The following TAFA1 variants were observed in gnomAD, a reference collection of about 807,000 sequenced individuals.
The protein encoded by TAFA1 is chemokine-like protein TAFA-1.
TAFA1 carries 4 observed loss-of-function variants against 18.5 expected under a neutral mutation model. The ratio of observed to expected loss-of-function variants is 0.22; its 90% CI spans 0.11 to 0.49. The LOEUF is 0.49. Among genes scored for constraint, TAFA1 ranks in the 20% least tolerant of loss-of-function variants. TAFA1 has a pLI of 0.98. For synonymous variants in TAFA1, 56 were observed against 55.2 expected, an observed-to-expected ratio of 1.01 and a Z score of -0.06; for missense variants, 147 against 169.0, an observed-to-expected ratio of 0.87 and a Z score of 0.72.
chr3:68,429,394 A>G (rs1343165403), intron 3 of TAFA1, among the ~76,000 whole-genome samples: 1 of 151,934 alleles, frequency 6.6e-6, no homozygotes, highest in Non-Finnish European at 1.5e-5. Context: ...CAAGGGAAGA[A>G]CCTGATGCCT....
At chr3:67,991,588 C>A in the TAFA1 span, among the ~76,000 whole-genome samples, 1 of 152,196 alleles carries the variant, frequency 6.6e-6, no homozygotes, top group Non-Finnish European at 1.5e-5. Context: ...TCCTCCTGGC[C>A]CTGGACATCA....
At chr3:68,363,221 A>G (rs1225240809) in intron 2 of TAFA1, among the ~76,000 whole-genome samples, 1 of 152,066 alleles carries the variant, frequency 6.6e-6, no homozygotes, top group African/African-American at 2.4e-5. Context: ...TAATTTGGGA[A>G]GAGTGAGAAG....
At chr3:68,125,015 A>T (rs1375214092) in intron 2 of TAFA1, among the ~76,000 whole-genome samples, 3 of 152,234 alleles carry the variant, frequency 2.0e-5, no homozygotes, top group Non-Finnish European at 4.4e-5. Context: ...CTCTTGTAAT[A>T]CCTGAATGTG....
intron 2 of TAFA1, among the ~76,000 whole-genome samples, chr3:68,028,958 G>T (rs1042041902): frequency 5.3e-5 from 8 of 151,736 alleles, no homozygotes; most frequent in Admixed American, 1.3e-4. Flanking sequence ...TTTGCCATTT[G>T]CCCAGGCTGT....
intron 2 of TAFA1, among the ~76,000 whole-genome samples, chr3:68,014,722 C>T (rs1575574283): frequency 6.6e-6 from 1 of 152,298 alleles, no homozygotes; most frequent in East Asian, 1.9e-4. Flanking sequence ...AAAAAGCATT[C>T]TGCTAAAACT....
At chr3:68,005,084 A>T (rs1182636917) in intron 1 of TAFA1, among the ~76,000 whole-genome samples, 2 of 152,128 alleles carry the variant, frequency 1.3e-5, no homozygotes, top group African/African-American at 4.8e-5. Context: ...GCAATTCACA[A>T]GCAGTAAATA....
chr3:68,486,677 C>A (rs1229541402), intron 3 of TAFA1, among the ~76,000 whole-genome samples: 2 of 152,182 alleles, frequency 1.3e-5, no homozygotes, highest in Non-Finnish European at 2.9e-5. Flanking sequence ...TTCGTAATGA[C>A]GACCTCTGGG....
At chr3:68,221,820 T>C (rs761902200) in intron 2 of TAFA1, among the ~76,000 whole-genome samples, 5 of 152,222 alleles carry the variant, frequency 3.3e-5, no homozygotes, top group Admixed American at 1.3e-4. Context: ...TTGATTCTTT[T>C]AATCCCTTCA....
rs189406264 is a variant in TAFA1 at position 68,047,731 on chromosome 3, C to T, written c.118+40987C>T. ...ACAACAACCTGACCTGAAGAAGACA[C>T]CTGCCAATATAATCACCCAATAGAC... is the stretch of plus-strand genomic sequence containing the variant. On this transcript the variant is annotated intron_variant, in intron 2 of 4. Transcript: ENST00000478136. 3.3e-5 allele frequency among the ~76,000 whole-genome samples: 5 copies of T among 152,192 alleles called. No homozygotes were observed. The East Asian group carries it at 7.7e-4, about 24-fold the overall frequency.
intron 2 of TAFA1, among the ~76,000 whole-genome samples, chr3:68,085,093 G>C (rs374745763): frequency 2.0e-5 from 3 of 152,072 alleles, no homozygotes; most frequent in African/African-American, 7.2e-5. Context: ...ATGATAAAAT[G>C]GACTCACAAT....
chr3:68,298,987 A>G (rs1345645443), intron 2 of TAFA1, among the ~76,000 whole-genome samples: 2 of 152,206 alleles, frequency 1.3e-5, no homozygotes, highest in African/African-American at 4.8e-5. Context: ...AACAGTTTGG[A>G]GGGCTCAAAA....
At chr3:68,391,171 C>T (rs2070233502) in intron 2 of TAFA1, among the ~76,000 whole-genome samples, 1 of 152,090 alleles carries the variant, frequency 6.6e-6, no homozygotes, top group Non-Finnish European at 1.5e-5. Flanking sequence ...ACATAAATGA[C>T]CTGATGGAGC....
intron 2 of TAFA1, among the ~76,000 whole-genome samples, chr3:68,090,522 C>T (rs988130216): frequency 4.1e-4 from 63 of 152,148 alleles, no homozygotes; most frequent in African/African-American, 1.5e-3. Flanking sequence ...ATGTTGTTCC[C>T]CTCCACCTGT....
At chr3:68,312,173 C>T (rs2068532635) in intron 2 of TAFA1, among the ~76,000 whole-genome samples, 1 of 152,176 alleles carries the variant, frequency 6.6e-6, no homozygotes, top group Non-Finnish European at 1.5e-5. Flanking sequence ...ATCCTGGGCC[C>T]AGCCCACCAG....
chr3:68,043,800 A>G (rs1235025529), intron 2 of TAFA1, among the ~76,000 whole-genome samples: 1 of 152,050 alleles, frequency 6.6e-6, no homozygotes, highest in African/African-American at 2.4e-5. Flanking sequence ...TATTTCTAGG[A>G]ATGCATGTAG....
chr3:68,538,651 A>T, intron 3 of TAFA1, 105 bp from the exon 4 acceptor site: 1 of 1,126,374 alleles, frequency 8.9e-7, no homozygotes, highest in Non-Finnish European at 1.3e-6. Context: ...ATTAAAGAGA[A>T]CTTAGTGTGC....
chr3:68,416,145 C>T (rs1258057910), intron 2 of TAFA1, among the ~76,000 whole-genome samples: 1 of 152,148 alleles, frequency 6.6e-6, no homozygotes, highest in Non-Finnish European at 1.5e-5. Flanking sequence ...AGCAACATCA[C>T]ACCCCACCAC....
At chr3:68,275,773 C>T (rs2067784095) in intron 2 of TAFA1, among the ~76,000 whole-genome samples, 1 of 152,076 alleles carries the variant, frequency 6.6e-6, no homozygotes, top group Non-Finnish European at 1.5e-5. Flanking sequence ...CAGGACTGTG[C>T]TGTTTGTTTA....
chr3:68,236,306 G>T (rs958783811), intron 2 of TAFA1, among the ~76,000 whole-genome samples: 2 of 152,210 alleles, frequency 1.3e-5, no homozygotes, highest in Non-Finnish European at 2.9e-5. Flanking sequence ...AATTATTTTG[G>T]TTATAGCTGG....
Sources: gnomAD v4.1 joint callset for allele counts (sites outside exome capture counted in the v4.1 genomes callset) on GRCh38, gnomAD v4.1.1 for gene constraint, MANE v1.5 for transcripts, NCBI Gene and HGNC (gene_info 2026-07-23, HGNC 2026-07-21) for gene names.